The following CALD1 variants were observed in gnomAD, a reference collection of about 807,000 sequenced individuals.
CALD1 encodes the protein caldesmon 1.
Under a neutral mutation model 99.9 loss-of-function variants are expected in CALD1, and 33 were observed. The observed-to-expected ratio is 0.33, with a 90% CI of 0.25 to 0.44. The LOEUF (loss-of-function observed/expected upper bound fraction) is 0.44. Ranked by LOEUF, CALD1 falls within the 20% of genes least tolerant of loss-of-function variation. The pLI is 1.00. For missense variants in CALD1, 861 were observed against 962.1 expected, an observed-to-expected ratio of 0.89 and a Z score of 1.39; for synonymous variants, 310 against 325.0, an observed-to-expected ratio of 0.95 and a Z score of 0.50.
chr7:134,922,345 G>A (rs917514780), intron 3 of CALD1, among the ~76,000 whole-genome samples: 2 of 152,054 alleles, frequency 1.3e-5, no homozygotes, highest in African/African-American at 2.4e-5. Context: ...TTCCTCATAA[G>A]AGATCTTGTC....
intron 7 of CALD1, among the ~76,000 whole-genome samples, chr7:134,941,710 A>G (rs3800751): frequency 6.3e-4 from 96 of 152,330 alleles, no homozygotes; most frequent in Admixed American, 3.6e-3. Flanking sequence ...CTTGGGAAAC[A>G]CTGGATTAAG....
chr7:134,857,907 C>G (rs1800386047), intron 2 of CALD1, among the ~76,000 whole-genome samples: 1 of 152,148 alleles, frequency 6.6e-6, no homozygotes, highest in Non-Finnish European at 1.5e-5. Context: ...CAAAGCACCT[C>G]TAGAACACAC....
upstream of CALD1, among the ~76,000 whole-genome samples, chr7:134,743,716 T>C (rs1796610168): frequency 6.6e-6 from 1 of 152,238 alleles, no homozygotes; most frequent in Admixed American, 6.5e-5. Flanking sequence ...CCTAACATAA[T>C]CTGTGACAGT....
At chr7:134,928,676 AG>A in intron 3 of CALD1, 77 bp from the exon 4 acceptor site, 1 of 1,408,686 alleles carries the variant, frequency 7.1e-7, no homozygotes, top group Non-Finnish European at 9.7e-7. Context: ...AAAAGGGCTC[AG>A]GGCTGTTCCT....
chr7:134,938,823 A>G (rs2133038142), intron 6 of CALD1, among the ~76,000 whole-genome samples: 1 of 152,314 alleles, frequency 6.6e-6, no homozygotes, highest in African/African-American at 2.4e-5. Context: ...GCTTGAAAAA[A>G]GGGGGGATTT....
intron 2 of CALD1, among the ~76,000 whole-genome samples, chr7:134,852,929 A>G (rs1180727118): frequency 2.0e-5 from 3 of 152,178 alleles, no homozygotes; most frequent in African/African-American, 7.2e-5. Context: ...ACTGGGATAA[A>G]TTTATTATGG....
At chr7:134,934,297 G>A (rs1209925400) in intron 5 of CALD1, among the ~76,000 whole-genome samples, 1 of 152,138 alleles carries the variant, frequency 6.6e-6, no homozygotes, top group Non-Finnish European at 1.5e-5. Flanking sequence ...CAGTAAATTT[G>A]GCTGTCCAGA....
rs1224367354 is a variant in CALD1 at position 134,968,675 on chromosome 7, T to C, written c.*330T>C. 3 of 540,338 alleles carry C rather than the reference T, an allele frequency of 5.6e-6. No individual in the cohort carries two copies. The East Asian group carries it at 1.2e-4, about 22-fold the overall frequency. The allele number at this position is 540,338 out of a possible 1,614,324, so 33.5% of individuals were successfully genotyped here. A position where few individuals can be genotyped will look rare whatever the true frequency, so the allele number is the denominator to read the frequency against. On this transcript the variant is annotated 3_prime_UTR_variant, in exon 15 of 15. Coordinates refer to ENST00000361675, the MANE Select transcript of CALD1 (RefSeq NM_033138.4). ...GTCAACAGAAGATCCAAGTTTAAAA[T>C]TGCCTGCGGAATGTGTGCAGTATCT...
At chr7:134,881,851 T>C (rs1432054762) in intron 3 of CALD1, among the ~76,000 whole-genome samples, 1 of 152,206 alleles carries the variant, frequency 6.6e-6, no homozygotes. Flanking sequence ...CCATTTTATT[T>C]TCCCTTTTCC....
At chr7:134,891,027 C>T (rs1025918508) in intron 3 of CALD1, among the ~76,000 whole-genome samples, 5 of 152,182 alleles carry the variant, frequency 3.3e-5, no homozygotes, top group African/African-American at 1.2e-4. Context: ...TAATTGAGAA[C>T]AGAGCTCAGA....
At chr7:134,911,103 T>C (rs961675493) in intron 3 of CALD1, among the ~76,000 whole-genome samples, 1 of 152,152 alleles carries the variant, frequency 6.6e-6, no homozygotes, top group Admixed American at 6.5e-5. Flanking sequence ...TCTCCAAGCC[T>C]AGCTTTTAGT....
chr7:134,782,944 G>C (rs1178141816), intron 1 of CALD1, among the ~76,000 whole-genome samples: 1 of 152,170 alleles, frequency 6.6e-6, no homozygotes, highest in Admixed American at 6.6e-5. Context: ...CAGACTAAGA[G>C]GACACAAATA....
At chr7:134,868,837 C>G (rs1048933227) in intron 3 of CALD1, among the ~76,000 whole-genome samples, 14 of 152,166 alleles carry the variant, frequency 9.2e-5, no homozygotes, top group Non-Finnish European at 2.1e-4. Context: ...CTGCCATTTG[C>G]AAGCTGTGTG....
At chr7:134,863,778 T>C (rs771644638) in intron 2 of CALD1, among the ~76,000 whole-genome samples, 1 of 152,194 alleles carries the variant, frequency 6.6e-6, no homozygotes, top group Non-Finnish European at 1.5e-5. Flanking sequence ...AAACGAGCCA[T>C]AAATTGATTT....
At chr7:134,892,555 T>C (rs1171615528) in intron 3 of CALD1, among the ~76,000 whole-genome samples, 1 of 152,158 alleles carries the variant, frequency 6.6e-6, no homozygotes, top group Non-Finnish European at 1.5e-5. Context: ...TGTGCAACAG[T>C]TAATCAAATA....
chr7:134,889,576 G>C (rs1274608126), intron 3 of CALD1, among the ~76,000 whole-genome samples: 1 of 152,162 alleles, frequency 6.6e-6, no homozygotes, highest in African/African-American at 2.4e-5. Flanking sequence ...GAAAACCACC[G>C]ACTTTTGTAA....
chr7:134,939,696 C>G (rs1180668801), intron 6 of CALD1, among the ~76,000 whole-genome samples: 3 of 152,174 alleles, frequency 2.0e-5, no homozygotes, highest in Non-Finnish European at 4.4e-5. Context: ...GGTGCAGTGG[C>G]TCACACCTGT....
intron 3 of CALD1, among the ~76,000 whole-genome samples, chr7:134,911,158 A>G (rs1367206572): frequency 6.7e-6 from 1 of 149,448 alleles, no homozygotes; most frequent in African/African-American, 2.5e-5. Context: ...TGGTTTTGTC[A>G]TGATGATGAA....
At chr7:134,712,637 C>T in the CALD1 span, among the ~76,000 whole-genome samples, 28,143 of 152,198 alleles carry the variant, frequency 0.18, 2,666 homozygotes, top group African/African-American at 0.24. Context: ...TTTGTTCATC[C>T]TCAGAACTCA....
Sources: gnomAD v4.1 joint callset for allele counts (sites outside exome capture counted in the v4.1 genomes callset) on GRCh38, gnomAD v4.1.1 for gene constraint, MANE v1.5 for transcripts, NCBI Gene and HGNC (gene_info 2026-07-23, HGNC 2026-07-21) for gene names.